Variants in CDH9 observed in about 807,000 individuals in gnomAD.
CDH9 encodes cadherin-9.
CDH9 carries 28 observed loss-of-function variants against 70.9 expected under a neutral mutation model. The ratio of observed to expected loss-of-function variants is 0.40; its 90% CI spans 0.29 to 0.54. The LOEUF (loss-of-function observed/expected upper bound fraction) is 0.54, where lower values mean the gene tolerates loss of function less well. Among genes scored for constraint, CDH9 ranks in the 20% least tolerant of loss-of-function variants. The probability of loss-of-function intolerance (pLI) is 0.59; values close to 1 mark genes in which losing one functional copy is unlikely to be tolerated. For missense variants in CDH9, 874 were observed against 984.4 expected (o/e 0.89, Z 1.50); for synonymous variants, 409 against 343.1 (o/e 1.19, Z -2.12).
At chr5:26,979,678 G>T (rs1742366486) in intron 2 of CDH9, among the ~76,000 whole-genome samples, 1 of 151,698 alleles carries the variant, frequency 6.6e-6, no homozygotes, top group African/African-American at 2.4e-5. Flanking sequence ...TATACAGAAA[G>T]GCTGAGAGCA....
rs1365965008 is a variant in CDH9 at position 26,883,092 on chromosome 5, TATAA to T, written c.1883-1473_1883-1470del. Among the ~76,000 whole-genome samples the T allele has an allele frequency of 2.5e-3, 267 of 108,400 alleles. 17 individuals are homozygous for T. Among genetic ancestry groups the T allele is most frequent in the African/African-American group, 9.3e-3 (245 of 26,306 alleles). 71.1% of individuals were successfully genotyped at this position (108,400 alleles called of 152,430 possible). A position where few individuals can be genotyped will look rare whatever the true frequency, so the allele number is the denominator to read the frequency against. ...ATATATATATATATATATATATATATATAAAACTGCAGTAAAAATGAGACCTCTG... is the reference window on the plus strand; with the variant it reads ...ATATATATATATATATATATATATATAACTGCAGTAAAAATGAGACCTCTG... On this transcript the variant is annotated intron_variant, in intron 11 of 11. Coordinates refer to ENST00000231021, the MANE Select transcript of CDH9 (RefSeq NM_016279.4).
At chr5:27,008,908 T>C (rs779819457) in intron 1 of CDH9, among the ~76,000 whole-genome samples, 1 of 152,182 alleles carries the variant, frequency 6.6e-6, no homozygotes, top group African/African-American at 2.4e-5. Flanking sequence ...TTCAATCTTA[T>C]AACATCTCCA....
chr5:27,029,691 CA>C (rs3838651), intron 1 of CDH9, among the ~76,000 whole-genome samples: 11 of 151,408 alleles, frequency 7.3e-5, no homozygotes, highest in African/African-American at 1.2e-4. Context: ...AAATTATTAC[CA>C]AAAAAAATCT....
At chr5:26,918,430 T>C (rs1461425317) in intron 2 of CDH9, among the ~76,000 whole-genome samples, 1 of 152,240 alleles carries the variant, frequency 6.6e-6, no homozygotes, top group Non-Finnish European at 1.5e-5. Context: ...AACTGTAAAA[T>C]ACATAAGGGA....
chr5:26,986,178 T>C (rs1742485065), intron 2 of CDH9, among the ~76,000 whole-genome samples: 1 of 152,128 alleles, frequency 6.6e-6, no homozygotes, highest in African/African-American at 2.4e-5. Flanking sequence ...AGTTGACAGG[T>C]GGTTTTGGTT....
chr5:26,980,635 G>C (rs1330668150), intron 2 of CDH9, among the ~76,000 whole-genome samples: 4 of 151,908 alleles, frequency 2.6e-5, no homozygotes. Flanking sequence ...CAAATGTCTG[G>C]TCATCAGAAA....
At chr5:26,984,320 T>A (rs1742454108) in intron 2 of CDH9, among the ~76,000 whole-genome samples, 1 of 152,168 alleles carries the variant, frequency 6.6e-6, no homozygotes, top group Non-Finnish European at 1.5e-5. Context: ...TAAAATGTAA[T>A]GGTCAATTAA....
At chr5:26,925,111 G>A (rs113084326) in intron 2 of CDH9, among the ~76,000 whole-genome samples, 1,777 of 152,076 alleles carry the variant, frequency 0.012, 18 homozygotes, top group African/African-American at 0.018. Flanking sequence ...GTTCTAGATC[G>A]TTGAGGAATT....
At chr5:26,989,352 T>C (rs3811921) in intron 1 of CDH9, among the ~76,000 whole-genome samples, 79,353 of 151,848 alleles carry the variant, frequency 0.52, 22,231 homozygotes, top group African/African-American at 0.69. Context: ...CAATGGAAAT[T>C]AATCTCAAAC....
rs779064376 is a variant in CDH9 at position 26,988,369 on chromosome 5, ATTGT to A, written c.-40_-37del. 11 of 1,596,382 alleles carry A rather than the reference ATTGT, an allele frequency of 6.9e-6. No homozygotes were observed. The highest frequency in any genetic ancestry group is 1.7e-4 in the Middle Eastern group (1 of 5,910). On this transcript the variant is annotated 5_prime_UTR_variant, in exon 2 of 12. Coordinates refer to ENST00000231021, the MANE Select transcript of CDH9 (RefSeq NM_016279.4). ...TTCAGTGGGTTGTCAAATTCAATGT[ATTGT>A]TTGTTTTTCCTAAAGAGTAAGGAGA...
chr5:27,026,112 TA>T (rs1211260330), intron 1 of CDH9, among the ~76,000 whole-genome samples: 3 of 149,864 alleles, frequency 2.0e-5, no homozygotes, highest in African/African-American at 7.6e-5. Flanking sequence ...TTTGTATACA[TA>T]AAAAGATGAA....
At chr5:27,018,249 A>C (rs1479364310) in intron 1 of CDH9, among the ~76,000 whole-genome samples, 2 of 151,882 alleles carry the variant, frequency 1.3e-5, no homozygotes, top group Non-Finnish European at 2.9e-5. Context: ...GAGAATTTTA[A>C]AAAATTATTT....
intron 7 of CDH9, among the ~76,000 whole-genome samples, chr5:26,895,170 T>A (rs1445745363): frequency 6.6e-6 from 1 of 152,052 alleles, no homozygotes; most frequent in African/African-American, 2.4e-5. Context: ...CATAATTTGC[T>A]TTTTACTTTT....
At chr5:26,892,215 C>G (rs1740672183) in intron 7 of CDH9, among the ~76,000 whole-genome samples, 2 of 152,172 alleles carry the variant, frequency 1.3e-5, no homozygotes, top group Admixed American at 1.3e-4. Context: ...TTATGCCGTA[C>G]TAGTTAATTT....
chr5:26,886,148 T>G (rs1362024050), intron 9 of CDH9, 65 bp from the exon 10 acceptor site: 2 of 1,488,874 alleles, frequency 1.3e-6, no homozygotes, highest in Non-Finnish European at 1.8e-6. Flanking sequence ...TTACAAGATA[T>G]CTTAAATCCA....
At chr5:26,906,646 T>TA in intron 4 of CDH9, 73 bp downstream of exon 4, 1 of 1,522,772 alleles carries the variant, frequency 6.6e-7, no homozygotes, top group Non-Finnish European at 8.9e-7. Context: ...TAAAATATTT[T>TA]AAAAATCTCT....
chr5:26,993,873 G>A (rs572896289), intron 1 of CDH9, among the ~76,000 whole-genome samples: 36 of 152,120 alleles, frequency 2.4e-4, no homozygotes, highest in Non-Finnish European at 5.0e-4. Flanking sequence ...CAGAACCATG[G>A]GGATGGGACT....
intron 1 of CDH9, among the ~76,000 whole-genome samples, chr5:27,031,232 C>G (rs565474511): frequency 2.6e-4 from 39 of 151,814 alleles, no homozygotes; most frequent in African/African-American, 8.7e-4. Context: ...ATCCCTTATT[C>G]ATAGAAAACC....
intron 1 of CDH9, among the ~76,000 whole-genome samples, chr5:27,003,409 T>C (rs969337625): frequency 2.0e-5 from 3 of 151,998 alleles, no homozygotes; most frequent in Admixed American, 6.6e-5. Context: ...CACAGAGTAA[T>C]TTCCTTCCAA....
Sources: allele counts gnomAD v4.1 joint callset (sites outside exome capture counted in the v4.1 genomes callset), GRCh38; gene constraint gnomAD v4.1.1; transcripts MANE v1.5; gene names NCBI Gene and HGNC (gene_info 2026-07-23, HGNC 2026-07-21).